The following LRRTM4 variants were observed in gnomAD, a reference collection of about 807,000 sequenced individuals.
LRRTM4 encodes leucine-rich repeat transmembrane neuronal protein 4.
Under a neutral mutation model 47.6 loss-of-function variants are expected in LRRTM4, and 25 were observed. That is an observed-to-expected ratio of 0.53 (90% confidence interval 0.38 to 0.73). The LOEUF (loss-of-function observed/expected upper bound fraction) is 0.73, where lower values mean the gene tolerates loss of function less well. Among genes scored for constraint, LRRTM4 ranks in the 30% least tolerant of loss-of-function variants. LRRTM4 has a pLI of 0.00. For missense variants in LRRTM4, 638 were observed against 713.4 expected, an observed-to-expected ratio of 0.89 and a Z score of 1.20; for synonymous variants, 311 against 269.5, an observed-to-expected ratio of 1.15 and a Z score of -1.51.
At chr2:77,047,593 G>C (rs993184909) in intron 3 of LRRTM4, among the ~76,000 whole-genome samples, 1 of 151,906 alleles carries the variant, frequency 6.6e-6, no homozygotes, top group Admixed American at 6.6e-5. Flanking sequence ...TGTTCTCCCT[G>C]TGTGTGTGTT....
At chr2:77,374,659 T>C (rs781034467) in intron 3 of LRRTM4, among the ~76,000 whole-genome samples, 37 of 151,774 alleles carry the variant, frequency 2.4e-4, no homozygotes, top group Non-Finnish European at 5.0e-4. Context: ...GCTGTATAAA[T>C]TTATTGGTAA....
chr2:77,062,784 C>G (rs1679828089), intron 3 of LRRTM4, among the ~76,000 whole-genome samples: 1 of 152,048 alleles, frequency 6.6e-6, no homozygotes, highest in African/African-American at 2.4e-5. Context: ...AGTTTAATCA[C>G]TTTTAAGTGT....
intron 3 of LRRTM4, among the ~76,000 whole-genome samples, chr2:77,138,148 G>C (rs564297505): frequency 6.6e-6 from 1 of 152,232 alleles, no homozygotes; most frequent in Admixed American, 6.5e-5. Context: ...ACAGAACTCT[G>C]TACCCCAAAT....
intron 3 of LRRTM4, among the ~76,000 whole-genome samples, chr2:76,788,193 CAT>C (rs1674781457): frequency 1.3e-5 from 2 of 152,024 alleles, no homozygotes; most frequent in Admixed American, 6.6e-5. Context: ...AATGTGTTAA[CAT>C]ATGTAATTGA....
intron 3 of LRRTM4, among the ~76,000 whole-genome samples, chr2:76,939,740 ATTT>A (rs1675073056): frequency 6.6e-6 from 1 of 152,098 alleles, no homozygotes; most frequent in Non-Finnish European, 1.5e-5. Flanking sequence ...ACATGCTCTA[ATTT>A]TTAAGTGATA....
intron 3 of LRRTM4, among the ~76,000 whole-genome samples, chr2:77,071,337 T>A (rs530884521): frequency 6.6e-6 from 1 of 152,306 alleles, no homozygotes; most frequent in African/African-American, 2.4e-5. Context: ...TTTGTTATGG[T>A]TATCCAGAGA....
chr2:76,956,453 G>C (rs1485464460), intron 3 of LRRTM4, among the ~76,000 whole-genome samples: 1 of 151,498 alleles, frequency 6.6e-6, no homozygotes, highest in Non-Finnish European at 1.5e-5. Flanking sequence ...ATGGGATGTA[G>C]CAAAGGCAGT....
intron 3 of LRRTM4, among the ~76,000 whole-genome samples, chr2:76,759,727 C>T (rs143670964): frequency 1.3e-5 from 2 of 152,136 alleles, no homozygotes; most frequent in East Asian, 3.9e-4. Flanking sequence ...CTTTTGTATT[C>T]ACTATTCTCT....
chr2:77,207,372 T>TATATATATACACACACAC lies in LRRTM4; in HGVS notation c.1551+310945_1551+310946insGTGTGTGTGTATATATAT, dbSNP rs59335400. Among the ~76,000 whole-genome samples, 389 of 131,024 alleles carry TATATATATACACACACAC rather than the reference T, an allele frequency of 3.0e-3. 1 individual carries two copies. Among genetic ancestry groups the TATATATATACACACACAC allele is most frequent in the East Asian group, 0.011 (39 of 3,696 alleles). The allele number at this position is 131,024 out of a possible 152,430, so 86.0% of individuals were successfully genotyped here. A position where few individuals can be genotyped will look rare whatever the true frequency, so the allele number is the denominator to read the frequency against. On this transcript the variant is annotated intron_variant, in intron 3 of 3. Coordinates refer to ENST00000409884, the MANE Select transcript of LRRTM4 (RefSeq NM_001134745.3). ...GTGTATATATATATATATATATATA[T>TATATATATACACACACAC]ACACACACACATATTTATATACACA...
At chr2:77,373,294 A>C (rs1672719896) in intron 3 of LRRTM4, among the ~76,000 whole-genome samples, 1 of 151,410 alleles carries the variant, frequency 6.6e-6, no homozygotes, top group Admixed American at 6.6e-5. Flanking sequence ...AGTAAATAAT[A>C]TATTTAGTTG....
chr2:76,882,485 A>G (rs971762787), intron 3 of LRRTM4, among the ~76,000 whole-genome samples: 2 of 151,884 alleles, frequency 1.3e-5, no homozygotes, highest in Non-Finnish European at 2.9e-5. Flanking sequence ...TGAGCTTAGG[A>G]GTTCGAGACC....
intron 3 of LRRTM4, among the ~76,000 whole-genome samples, chr2:77,217,017 G>T (rs1674463383): frequency 6.6e-6 from 1 of 150,484 alleles, no homozygotes; most frequent in Non-Finnish European, 1.5e-5. Context: ...AGGTTGCGGT[G>T]AGCCGAGATT....
intron 3 of LRRTM4, among the ~76,000 whole-genome samples, chr2:77,058,348 A>C (rs1002880210): frequency 4.6e-5 from 7 of 152,150 alleles, no homozygotes; most frequent in Non-Finnish European, 7.4e-5. Context: ...AGAGCTACCG[A>C]CCATGAAAGC....
At chr2:77,493,015 A>G (rs1001999878) in intron 3 of LRRTM4, among the ~76,000 whole-genome samples, 1 of 152,148 alleles carries the variant, frequency 6.6e-6, no homozygotes, top group Non-Finnish European at 1.5e-5. Flanking sequence ...ATCAATACAT[A>G]CAGCCAAAAA....
intron 3 of LRRTM4, among the ~76,000 whole-genome samples, chr2:76,812,791 T>TCCCCCCTTCCTCCTCCTCTCCCC (rs1670782935): frequency 2.1e-5 from 1 of 48,724 alleles, no homozygotes; most frequent in South Asian, 1.1e-3. Flanking sequence ...CTCCTCTCCC[T>TCCCCCCTTCCTCCTCCTCTCCCC]CCCCCCCCTC....
intron 3 of LRRTM4, among the ~76,000 whole-genome samples, chr2:77,243,534 G>A (rs1257036634): frequency 1.3e-5 from 2 of 151,914 alleles, no homozygotes; most frequent in African/African-American, 2.4e-5. Context: ...TCCGGCATCT[G>A]GGGGAAAGGG....
intron 3 of LRRTM4, among the ~76,000 whole-genome samples, chr2:76,812,708 ATTTCTT>A (rs1263019469): frequency 5.0e-5 from 5 of 99,898 alleles, no homozygotes; most frequent in Non-Finnish European, 9.8e-5. Context: ...TTCTTTCTTT[ATTTCTT>A]TTTCTTTCTC....
rs1471058148 is a variant in LRRTM4, at chr2:77,519,079, C to T, written c.790G>A (p.Asp264Asn). 6.2e-7 allele frequency: 1 copy of T among 1,612,796 alleles called. No homozygotes were observed. Among genetic ancestry groups the T allele is most frequent in the Admixed American group, 1.7e-5 (1 of 59,774 alleles). Residue 264 changes from aspartate (D) to asparagine (N), a missense_variant, in exon 3 of 4, where the codon GAC becomes AAC. Transcript: ENST00000409884. The surrounding 1 kb of genome is among the most constrained non-coding windows in gnomAD (Gnocchi z 4.6). ...SLHNLDLSGNDIQGIEPGTFK... is the reference protein window; with the variant it reads ...SLHNLDLSGNNIQGIEPGTFK... ...GTGCCCGGCTCAATTCCTTGGATGT[C>T]ATTCCCTGATAAATCCAAGTTGTGT...
intron 3 of LRRTM4, among the ~76,000 whole-genome samples, chr2:77,025,190 A>G (rs1010994913): frequency 6.6e-6 from 1 of 152,190 alleles, no homozygotes; most frequent in Non-Finnish European, 1.5e-5. Context: ...GAGATCACAT[A>G]TATTTAGCTG....
Sources: allele counts gnomAD v4.1 joint callset (sites outside exome capture counted in the v4.1 genomes callset), GRCh38; gene constraint gnomAD v4.1.1; non-coding constraint Gnocchi (gnomAD v3.1); transcripts MANE v1.5; gene names NCBI Gene and HGNC (gene_info 2026-07-23, HGNC 2026-07-21).